Variants in IPO7 observed in about 807,000 individuals in gnomAD.
IPO7 encodes importin 7, also known as importin-7.
IPO7 carries 13 observed loss-of-function variants against 136.4 expected under a neutral mutation model. The observed-to-expected ratio is 0.10, with a 90% CI of 0.06 to 0.15. The LOEUF (loss-of-function observed/expected upper bound fraction) is 0.15. IPO7 is among the 10% of genes least tolerant of loss of function. The pLI is 1.00. For synonymous variants in IPO7, 403 were observed against 404.4 expected (o/e 1.00, Z 0.04); for missense variants, 857 against 1,240.6 (o/e 0.69, Z 4.65).
chr11:9,389,636 T>C (rs1854600427), intron 1 of IPO7, among the ~76,000 whole-genome samples: 1 of 152,206 alleles, frequency 6.6e-6, no homozygotes, highest in Admixed American at 6.5e-5. Context: ...GCATCAATAG[T>C]CTTTCCCCTG....
At position 9,421,770 on chromosome 11, in the gene IPO7, C is replaced by T. The variant is rs188365319; in HGVS notation, c.906+1072C>T. Among the ~76,000 whole-genome samples, 139 of 151,024 alleles carry T rather than the reference C, an allele frequency of 9.2e-4. 1 individual carries two copies. The East Asian group carries it at 0.015, about 16-fold the overall frequency. On this transcript the variant is annotated intron_variant, in intron 8 of 24. Coordinates refer to ENST00000379719, the MANE Select transcript of IPO7 (RefSeq NM_006391.3). ...CCATCCTGGCTAACACAGTGAAACC[C>T]CATTTCTACTAAAAATTCAAAAATG...
chr11:9,399,903 A>G (rs1230576670), intron 1 of IPO7, among the ~76,000 whole-genome samples: 1 of 152,160 alleles, frequency 6.6e-6, no homozygotes, highest in African/African-American at 2.4e-5. Context: ...CTTCTGTATT[A>G]GGGGATCCTC....
intron 9 of IPO7, 26 bp from the exon 10 acceptor site, chr11:9,423,751 T>C (rs1290773855): frequency 7.1e-7 from 1 of 1,406,206 alleles, no homozygotes; most frequent in Non-Finnish European, 9.9e-7. Flanking sequence ...CTGATGGTTA[T>C]TGTTTTCTTA....
intron 1 of IPO7, among the ~76,000 whole-genome samples, chr11:9,397,341 A>AAAAAAAAAAAAAAAAATATATAT: frequency 1.2e-3 from 13 of 10,760 alleles, no homozygotes; most frequent in Non-Finnish European, 2.2e-3. Flanking sequence ...TTTAAAAAAA[A>AAAAAAAAAAAAAAAAATATATAT]ATATATATAT....
chr11:9,431,065 A>G (rs1255134211), intron 16 of IPO7, 62 bp downstream of exon 16: 1 of 1,359,432 alleles, frequency 7.4e-7, no homozygotes, highest in Non-Finnish European at 1.0e-6. Flanking sequence ...GAGGGCTCTA[A>G]TATCTCTCTG....
At chr11:9,409,733 C>T (rs770800328) in intron 3 of IPO7, among the ~76,000 whole-genome samples, 195 bp from the exon 4 acceptor site, 10 of 152,178 alleles carry the variant, frequency 6.6e-5, no homozygotes, top group Admixed American at 6.5e-4. Flanking sequence ...AAAAATAAAA[C>T]ACCTGTATTT....
intron 6 of IPO7, among the ~76,000 whole-genome samples, chr11:9,419,307 T>G (rs1191793921): frequency 6.6e-6 from 1 of 151,762 alleles, no homozygotes; most frequent in Non-Finnish European, 1.5e-5. Context: ...CACAGCACTT[T>G]GGGAGGCTGA....
At chr11:9,432,935 A>G (rs1041077465) in intron 16 of IPO7, among the ~76,000 whole-genome samples, 6 of 150,858 alleles carry the variant, frequency 4.0e-5, no homozygotes, top group Non-Finnish European at 7.4e-5. Flanking sequence ...TTTCAATTAC[A>G]TTGAGCTGAA....
rs766906242 is a variant in IPO7, at chr11:9,437,468, A to G, written c.2269-286A>G. 1.1e-4 allele frequency among the ~76,000 whole-genome samples: 16 copies of G among 151,254 alleles called. No individual in the cohort carries two copies. In the East Asian group the frequency reaches 2.6e-3, roughly 24 times the overall value. Reference sequence around the variant, plus strand: ...ACGGGGTTTCACTGTGTTAGCCAGGATGGTCTTGATCTCCTGACCTCGTGA... The same window carrying G: ...ACGGGGTTTCACTGTGTTAGCCAGGGTGGTCTTGATCTCCTGACCTCGTGA... On this transcript the variant is annotated intron_variant, in intron 20 of 24. Transcript: ENST00000379719.
At chr11:9,397,538 T>G (rs189245702) in intron 1 of IPO7, among the ~76,000 whole-genome samples, 5 of 150,810 alleles carry the variant, frequency 3.3e-5, no homozygotes, top group African/African-American at 1.2e-4. Context: ...GCAGTTTTTG[T>G]TGTTCCAACA....
At chr11:9,411,137 C>G (rs1432616386) in intron 4 of IPO7, among the ~76,000 whole-genome samples, 4 of 152,136 alleles carry the variant, frequency 2.6e-5, no homozygotes. Flanking sequence ...CTGTCAATAT[C>G]ATTGAGGAGG....
At chr11:9,392,968 T>TA (rs1854658111) in intron 1 of IPO7, among the ~76,000 whole-genome samples, 1 of 149,454 alleles carries the variant, frequency 6.7e-6, no homozygotes, top group East Asian at 2.0e-4. Context: ...AAAAAAAAGT[T>TA]ACGGGTTTGA....
chr11:9,417,223 T>A (rs1855053867), intron 6 of IPO7, 75 bp downstream of exon 6: 2 of 633,342 alleles, frequency 3.2e-6, no homozygotes, highest in Admixed American at 2.7e-5. Flanking sequence ...AACTGGTGTT[T>A]CCTGTAACAT....
chr11:9,420,595 C>T lies in IPO7; in HGVS notation c.822-19C>T. The T allele has an allele frequency of 6.3e-7, 1 of 1,585,720 alleles. No homozygotes were observed. The highest frequency in any genetic ancestry group is 8.7e-7 in the Non-Finnish European group (1 of 1,154,700). On this transcript the variant is annotated intron_variant, in intron 7 of 24. Coordinates refer to ENST00000379719, the MANE Select transcript of IPO7 (RefSeq NM_006391.3). ...TAAAGCATTATAAAGAAACAATGGG[C>T]ATTTTGATGTTCTTTTAGATATGGA...
At chr11:9,405,871 C>T (rs1200373784) in intron 2 of IPO7, among the ~76,000 whole-genome samples, 1 of 151,444 alleles carries the variant, frequency 6.6e-6, no homozygotes, top group African/African-American at 2.4e-5. Context: ...TCCTTCCCTT[C>T]CTCCTTTCCC....
At chr11:9,443,179 G>T (rs1473068399) in intron 24 of IPO7, among the ~76,000 whole-genome samples, 2 of 151,926 alleles carry the variant, frequency 1.3e-5, no homozygotes, top group African/African-American at 4.8e-5. Flanking sequence ...CTGCAGCCTG[G>T]GTGACAAGAG....
chr11:9,442,221 T>C (rs1207784552), intron 24 of IPO7, 24 bp downstream of exon 24: 5 of 1,027,852 alleles, frequency 4.9e-6, no homozygotes, highest in Non-Finnish European at 7.5e-6. Flanking sequence ...CTGTAACTCC[T>C]CTTTAATTAG....
In IPO7 at chr11:9,424,910, C is replaced by T; in HGVS notation, c.1142-4C>T. 1 of 1,566,432 alleles carries T rather than the reference C, an allele frequency of 6.4e-7. No homozygotes were observed. Among genetic ancestry groups the T allele is most frequent in the Non-Finnish European group, 8.7e-7 (1 of 1,147,198 alleles). On this transcript the variant is annotated splice_polypyrimidine_tract_variant and splice_region_variant and intron_variant, in intron 10 of 24. Transcript: ENST00000379719. Reference sequence around the variant, plus strand: ...ATTGTCTTAATTTTAAACTTGTTCTCTAGATGTGTTTGAAGATTTCATTTC... The same window carrying T: ...ATTGTCTTAATTTTAAACTTGTTCTTTAGATGTGTTTGAAGATTTCATTTC...
intron 5 of IPO7, chr11:9,414,617 A>ATTTT (rs1339652663): frequency 2.2e-4 from 28 of 126,998 alleles, no homozygotes; most frequent in Non-Finnish European, 4.0e-4. Context: ...ACCCTAATGA[A>ATTTT]TCTTTTTTTT....
Sources: gnomAD v4.1 joint callset for allele counts (sites outside exome capture counted in the v4.1 genomes callset) on GRCh38, gnomAD v4.1.1 for gene constraint, MANE v1.5 for transcripts, NCBI Gene and HGNC (gene_info 2026-07-23, HGNC 2026-07-21) for gene names.